REEP3: variants seen among roughly 807,000 people sequenced by gnomAD.
REEP3 encodes the protein receptor expression-enhancing protein 3.
In REEP3, 20 loss-of-function variants were observed where a neutral mutation model predicts 41.3. The observed-to-expected ratio is 0.48, with a 90% confidence interval of 0.34 to 0.70. The LOEUF is 0.70. Among genes scored for constraint, REEP3 ranks in the 30% least tolerant of loss-of-function variants. The probability of loss-of-function intolerance (pLI) is 0.01; values close to 1 mark genes in which losing one functional copy is unlikely to be tolerated. For synonymous variants in REEP3, 104 were observed against 101.8 expected, an observed-to-expected ratio of 1.02 and a Z score of -0.13; for missense variants, 271 against 308.8, an observed-to-expected ratio of 0.88 and a Z score of 0.92.
At position 63,580,122 on chromosome 10, in the gene REEP3, CGTTGTT is replaced by C. The variant is rs532934741; in HGVS notation, c.105+13731_105+13736del. On this transcript the variant is annotated intron_variant, in intron 2 of 7. Transcript: ENST00000373758. ...ATTCTTGACTATAATAGCTGGTTTT[CGTTGTT>C]GTTGTTGTTGTTGTTGTTTTGAGGT... 4.7e-4 allele frequency among the ~76,000 whole-genome samples: 71 copies of C among 151,554 alleles called. 1 individual carries two copies. Among genetic ancestry groups the C allele is most frequent in the Middle Eastern group, 3.4e-3 (1 of 294 alleles).
chr10:63,578,250 C>A (rs1198660966), intron 2 of REEP3, among the ~76,000 whole-genome samples: 2 of 152,056 alleles, frequency 1.3e-5, no homozygotes, highest in African/African-American at 2.4e-5. Flanking sequence ...CAGGCACCTG[C>A]CACCACACCC....
chr10:63,555,247 CTGT>C (rs1279314606), intron 1 of REEP3, among the ~76,000 whole-genome samples: 4 of 152,160 alleles, frequency 2.6e-5, no homozygotes, highest in East Asian at 1.9e-4. Flanking sequence ...GGATTTGGGG[CTGT>C]TGTTGTTTTT....
At chr10:63,614,160 A>T (rs1956296084) in intron 6 of REEP3, among the ~76,000 whole-genome samples, 1 of 152,214 alleles carries the variant, frequency 6.6e-6, no homozygotes. Flanking sequence ...TATGAAAGAG[A>T]TTCTCAACCT....
At chr10:63,612,022 C>T (rs1453785933) in intron 6 of REEP3, among the ~76,000 whole-genome samples, 6 of 151,874 alleles carry the variant, frequency 4.0e-5, no homozygotes, top group Non-Finnish European at 7.4e-5. Flanking sequence ...TGACTATTAT[C>T]TAAGAGGTAA....
At chr10:63,526,907 T>C (rs7085018) in intron 1 of REEP3, among the ~76,000 whole-genome samples, 64,467 of 151,972 alleles carry the variant, frequency 0.42, 14,405 homozygotes, top group South Asian at 0.54. Context: ...TCTTTGTTTT[T>C]TATTTTGTGA....
At chr10:63,557,690 T>C (rs1383996679) in intron 1 of REEP3, among the ~76,000 whole-genome samples, 3 of 152,238 alleles carry the variant, frequency 2.0e-5, no homozygotes, top group African/African-American at 7.2e-5. Context: ...GTTTATGCTC[T>C]GTTATGTTCT....
chr10:63,612,162 TG>T (rs1956281573), intron 6 of REEP3, among the ~76,000 whole-genome samples: 1 of 152,082 alleles, frequency 6.6e-6, no homozygotes, highest in Non-Finnish European at 1.5e-5. Flanking sequence ...TTTATTTTTT[TG>T]TTTGTTTTTG....
intron 1 of REEP3, among the ~76,000 whole-genome samples, chr10:63,563,530 T>C (rs1955764178): frequency 1.3e-5 from 2 of 152,250 alleles, no homozygotes; most frequent in South Asian, 4.1e-4. Context: ...CTATATATAC[T>C]ATATTTTTTT....
intron 1 of REEP3, among the ~76,000 whole-genome samples, chr10:63,559,483 C>T (rs1422619308): frequency 6.6e-6 from 1 of 151,998 alleles, no homozygotes; most frequent in Non-Finnish European, 1.5e-5. Flanking sequence ...ATAGGTGTTA[C>T]CCTTCTAAAG....
intron 2 of REEP3, among the ~76,000 whole-genome samples, chr10:63,572,672 A>G (rs1955863952): frequency 6.6e-6 from 1 of 152,114 alleles, no homozygotes; most frequent in Non-Finnish European, 1.5e-5. Context: ...TTGCCCTGTT[A>G]TGTTTTTAAT....
At chr10:63,591,478 G>A (rs1480578685) in intron 2 of REEP3, among the ~76,000 whole-genome samples, 1 of 152,098 alleles carries the variant, frequency 6.6e-6, no homozygotes, top group Non-Finnish European at 1.5e-5. Context: ...TTAAAGCCAT[G>A]GGGTTTGCAT....
At chr10:63,527,878 G>A (rs549328200) in intron 1 of REEP3, among the ~76,000 whole-genome samples, 22 of 151,808 alleles carry the variant, frequency 1.4e-4, no homozygotes, top group African/African-American at 5.1e-4. Context: ...CTTATCAGCA[G>A]CTTTTGATAC....
intron 5 of REEP3, among the ~76,000 whole-genome samples, chr10:63,606,352 C>T (rs115130808): frequency 1.8e-4 from 4 of 22,810 alleles, no homozygotes; most frequent in East Asian, 3.2e-3. Context: ...TTCTCTCTCT[C>T]TCTTTCTTTC....
chr10:63,521,980 C>G (rs1955270907), intron 1 of REEP3: 1 of 151,730 alleles, frequency 6.6e-6, no homozygotes, highest in Non-Finnish European at 1.5e-5. Flanking sequence ...CGCAGCTGCT[C>G]CCTGCGCAGG....
At chr10:63,605,765 G>A (rs1363967252) in intron 5 of REEP3, among the ~76,000 whole-genome samples, 1 of 152,158 alleles carries the variant, frequency 6.6e-6, no homozygotes, top group East Asian at 1.9e-4. Context: ...TACTTGAGTA[G>A]ACATTCAGAT....
chr10:63,606,460 A>G (rs1359666399), intron 5 of REEP3, among the ~76,000 whole-genome samples: 1 of 151,986 alleles, frequency 6.6e-6, no homozygotes, highest in Non-Finnish European at 1.5e-5. Context: ...ATCACAGCTC[A>G]CTAAGGCCTC....
intron 6 of REEP3, among the ~76,000 whole-genome samples, chr10:63,619,436 T>C (rs967787928): frequency 9.9e-5 from 15 of 152,174 alleles, no homozygotes; most frequent in African/African-American, 3.4e-4. Flanking sequence ...AAAATAAGAA[T>C]GATCAGGGAA....
chr10:63,616,635 G>A (rs7076601), intron 6 of REEP3, among the ~76,000 whole-genome samples: 50,305 of 151,974 alleles, frequency 0.33, 8,804 homozygotes, highest in African/African-American at 0.45. Flanking sequence ...ATGAGAGGCA[G>A]TTAAAATAGC....
chr10:63,603,031 T>C (rs1303667395), intron 5 of REEP3, among the ~76,000 whole-genome samples: 1 of 152,026 alleles, frequency 6.6e-6, no homozygotes. Flanking sequence ...ACCCCACCCA[T>C]GGCTGGGCGC....
Sources: allele counts gnomAD v4.1 joint callset (sites outside exome capture counted in the v4.1 genomes callset), GRCh38; gene constraint gnomAD v4.1.1; transcripts MANE v1.5; gene names NCBI Gene and HGNC (gene_info 2026-07-23, HGNC 2026-07-21).